ABCA4: variants seen among roughly 807,000 people sequenced by gnomAD.
ABCA4 encodes the protein retinal-specific phospholipid-transporting ATPase ABCA4.
In ABCA4, 196 loss-of-function variants were observed where a neutral mutation model predicts 263.7. The observed-to-expected ratio is 0.74, with a 90% CI of 0.66 to 0.84. The LOEUF (loss-of-function observed/expected upper bound fraction) is 0.84. ABCA4 is among the 40% of genes least tolerant of loss of function. ABCA4 has a pLI of 0.00. For missense variants in ABCA4, 2,792 were observed against 2,855.1 expected (o/e 0.98, Z 0.50); for synonymous variants, 1,133 against 1,094.2 (o/e 1.04, Z -0.70).
intron 6 of ABCA4, among the ~76,000 whole-genome samples, chr1:94,091,149 T>C (rs1162590679): frequency 2.0e-5 from 3 of 152,178 alleles, no homozygotes; most frequent in Admixed American, 2.0e-4. Context: ...GCTTGAGATG[T>C]ATTTTTGTGT....
chr1:94,120,948 C>T (rs868059552), intron 1 of ABCA4, 32 bp downstream of exon 1: 1 of 1,606,294 alleles, frequency 6.2e-7, no homozygotes, highest in Admixed American at 1.7e-5. Flanking sequence ...TGCTCCACAC[C>T]TCATTTTTAA....
chr1:94,116,972 T>G lies in ABCA4; in HGVS notation c.67-3906A>C, dbSNP rs1308010888. Among the ~76,000 whole-genome samples the G allele has an allele frequency of 9.7e-3, 748 of 76,748 alleles. 5 individuals carry two copies. The highest frequency in any genetic ancestry group is 0.026 in the African/African-American group (549 of 21,164). The allele number at this position is 76,748 out of a possible 152,430, so 50.3% of individuals were successfully genotyped here. A position where few individuals can be genotyped will look rare whatever the true frequency, so the allele number is the denominator to read the frequency against. ...CCCTCCCTCCTTTCTTTCTTTCTCTTTCTTTCTTTCTTTCTTTCTTTCTTT... is the reference window on the plus strand; with the variant it reads ...CCCTCCCTCCTTTCTTTCTTTCTCTGTCTTTCTTTCTTTCTTTCTTTCTTT... On this transcript the variant is annotated intron_variant, in intron 1 of 49. Coordinates refer to ENST00000370225, the MANE Select transcript of ABCA4 (RefSeq NM_000350.3).
chr1:94,037,061 C>T (rs1265254539), intron 25 of ABCA4, 84 bp downstream of exon 25: 2 of 1,460,324 alleles, frequency 1.4e-6, no homozygotes, highest in Middle Eastern at 2.3e-4. Context: ...TTTGCTTTTA[C>T]AAAACTTTGC....
rs1660303057 is a variant in ABCA4, at chr1:94,034,982, C to A, written c.3862+1758G>T. ...CATTTTGCAGATGGGGAAACAGGTA[C>A]AAAGAGGCTATGTACTTACCCAAAG... On this transcript the variant is annotated intron_variant, in intron 26 of 49. Transcript: ENST00000370225. 1.3e-5 allele frequency among the ~76,000 whole-genome samples: 2 copies of A among 152,098 alleles called. 1 individual carries two copies. The highest frequency in any genetic ancestry group is 4.1e-4 in the South Asian group (2 of 4,830).
intron 11 of ABCA4, among the ~76,000 whole-genome samples, chr1:94,072,414 A>T (rs563608689): frequency 2.2e-4 from 34 of 152,330 alleles, no homozygotes; most frequent in Non-Finnish European, 3.7e-4. Context: ...CCTGAAAATC[A>T]AATATATTAT....
chr1:94,072,884 G>A (rs1661440888), intron 11 of ABCA4, among the ~76,000 whole-genome samples: 1 of 152,134 alleles, frequency 6.6e-6, no homozygotes, highest in African/African-American at 2.4e-5. Context: ...ATGTATTTAT[G>A]GGGTGAATGA....
intron 11 of ABCA4, among the ~76,000 whole-genome samples, chr1:94,072,576 CT>C (rs1661433663): frequency 6.6e-6 from 1 of 152,098 alleles, no homozygotes; most frequent in Non-Finnish European, 1.5e-5. Context: ...TCTAATTGAG[CT>C]TTTCTCCAGA....
intron 11 of ABCA4, among the ~76,000 whole-genome samples, chr1:94,065,429 A>G (rs980430372): frequency 1.3e-5 from 2 of 152,202 alleles, no homozygotes; most frequent in African/African-American, 4.8e-5. Flanking sequence ...CTGACCACAG[A>G]ACCAAGCTCC....
intron 18 of ABCA4, among the ~76,000 whole-genome samples, chr1:94,047,556 C>T (rs1308202245): frequency 2.0e-5 from 3 of 152,170 alleles, no homozygotes; most frequent in Non-Finnish European, 4.4e-5. Context: ...CAACAGTCCA[C>T]GGGGCATTTC....
intron 26 of ABCA4, among the ~76,000 whole-genome samples, chr1:94,036,154 A>G (rs773100480): frequency 6.6e-6 from 1 of 151,942 alleles, no homozygotes; most frequent in African/African-American, 2.4e-5. Flanking sequence ...ATGACATGGC[A>G]GGCCGAGAGA....
chr1:94,040,685 T>C (rs1174162840), intron 23 of ABCA4, among the ~76,000 whole-genome samples: 1 of 152,154 alleles, frequency 6.6e-6, no homozygotes, highest in Non-Finnish European at 1.5e-5. Context: ...AATTAAATAA[T>C]TTGCCTAGGA....
In ABCA4 at chr1:94,055,208, T is replaced by C; in HGVS notation, c.2490A>G (p.Glu830=). Residue 830 remains glutamate, a synonymous_variant, in exon 16 of 50, where the codon GAA becomes GAG. Transcript: ENST00000370225. ...QWSNIGNSPT[E]GDEFSFLLSM... is the part of the protein sequence containing the mutation. ...ACAGCAGGAAGCTGAATTCGTCCCC[T>C]TCCGTGGGACTGTTCCCGATGTTGC... The C allele has an allele frequency of 6.2e-7, 1 of 1,614,154 alleles. No homozygotes were observed. The highest frequency in any genetic ancestry group is 8.5e-7 in the Non-Finnish European group (1 of 1,180,018).
At chr1:94,075,082 G>A (rs764123336) in intron 11 of ABCA4, among the ~76,000 whole-genome samples, 15 of 152,114 alleles carry the variant, frequency 9.9e-5, no homozygotes, top group Non-Finnish European at 1.0e-4. Flanking sequence ...AACACCACAT[G>A]TTCTCACTTG....
chr1:94,016,006 T>A, intron 36 of ABCA4, 152 bp from the exon 37 acceptor site: 2 of 732,432 alleles, frequency 2.7e-6, no homozygotes, highest in South Asian at 1.5e-5. Flanking sequence ...GGCAAACATA[T>A]GTTAAGCTGT....
chr1:94,116,936 T>C (rs11165075), intron 1 of ABCA4, among the ~76,000 whole-genome samples: 37,221 of 149,100 alleles, frequency 0.25, 4,815 homozygotes, highest in East Asian at 0.33. Flanking sequence ...TCTTTTCTTT[T>C]CCCCTTCCCT....
In ABCA4 at chr1:94,028,930, A is replaced by AAAAAAAAC. The variant is rs35998587; in HGVS notation, c.4539+514_4539+515insGTTTTTTT. On this transcript the variant is annotated intron_variant, in intron 30 of 49. Coordinates refer to ENST00000370225, the MANE Select transcript of ABCA4 (RefSeq NM_000350.3). ...TCAAAAAAAAAAAAAAAAAAAAAAA[A>AAAAAAAAC]GAAATTCAAACAATGGGATAATATA... Among the ~76,000 whole-genome samples the AAAAAAAAC allele has an allele frequency of 3.0e-3, 323 of 108,016 alleles. 51 individuals carry two copies. Among genetic ancestry groups the AAAAAAAAC allele is most frequent in the African/African-American group, 0.011 (285 of 26,340 alleles). 70.9% of individuals were successfully genotyped at this position (108,016 alleles called of 152,430 possible).
chr1:93,993,132 C>A lies in ABCA4; in HGVS notation c.*105G>T. On this transcript the variant is annotated 3_prime_UTR_variant, in exon 50 of 50. Coordinates refer to ENST00000370225, the MANE Select transcript of ABCA4 (RefSeq NM_000350.3). ...TGTTTGTTTTCTGCTGCAGTGGGGTCATTTACGCTGGCCAGTCCATTTGGA... is the reference window on the plus strand; with the variant it reads ...TGTTTGTTTTCTGCTGCAGTGGGGTAATTTACGCTGGCCAGTCCATTTGGA... 6.8e-7 allele frequency: 1 copy of A among 1,463,622 alleles called. No homozygotes were observed. The highest frequency in any genetic ancestry group is 1.1e-5 in the South Asian group (1 of 87,188). 90.7% of individuals were successfully genotyped at this position (1,463,622 alleles called of 1,614,324 possible). A position where few individuals can be genotyped will look rare whatever the true frequency, so the allele number is the denominator to read the frequency against.
chr1:94,078,068 T>C (rs1340369219), intron 10 of ABCA4, among the ~76,000 whole-genome samples, 181 bp from the exon 11 acceptor site: 1 of 152,136 alleles, frequency 6.6e-6, no homozygotes, highest in African/African-American at 2.4e-5. Context: ...CCCAAGTCCA[T>C]GGGTCTCTAG....
At chr1:94,082,380 G>T (rs1382031840) in intron 7 of ABCA4, among the ~76,000 whole-genome samples, 1 of 152,216 alleles carries the variant, frequency 6.6e-6, no homozygotes, top group Non-Finnish European at 1.5e-5. Context: ...AGAACTAAGA[G>T]TGTTGATATA....
Sources: gnomAD v4.1 joint callset for allele counts (sites outside exome capture counted in the v4.1 genomes callset) on GRCh38, gnomAD v4.1.1 for gene constraint, MANE v1.5 for transcripts, NCBI Gene and HGNC (gene_info 2026-07-23, HGNC 2026-07-21) for gene names.